Variants in APOL3 observed in about 807,000 individuals in gnomAD.
APOL3 encodes apolipoprotein L3.
In APOL3, 14 loss-of-function variants were observed where a neutral mutation model predicts 11.6. The ratio of observed to expected loss-of-function variants is 1.21; its 90% CI spans 0.80 to 1.89. The LOEUF (loss-of-function observed/expected upper bound fraction) is 1.89. Among genes scored for constraint, APOL3 ranks in the 40% most tolerant of loss-of-function variants. The pLI is 0.00. For synonymous variants in APOL3, 192 were observed against 190.6 expected, an observed-to-expected ratio of 1.01 and a Z score of -0.06; for missense variants, 483 against 492.1, an observed-to-expected ratio of 0.98 and a Z score of 0.17.
At chr22:36,156,934 A>G (rs930354866) in intron 1 of APOL3, 8 of 456,132 alleles carry the variant, frequency 1.8e-5, no homozygotes, top group Non-Finnish European at 3.5e-5. Context: ...GCCTCTGGAC[A>G]ACATGGCCCA....
At chr22:36,149,001 G>C (rs755453079) in intron 1 of APOL3, 45 bp downstream of exon 2, 6 of 1,364,066 alleles carry the variant, frequency 4.4e-6, no homozygotes, top group East Asian at 9.1e-5. Flanking sequence ...CTCCATTCTA[G>C]GTGCGAGTAG....
intron 2 of APOL3, among the ~76,000 whole-genome samples, chr22:36,142,383 G>A (rs2060030529): frequency 2.0e-5 from 3 of 152,142 alleles, no homozygotes; most frequent in Admixed American, 2.0e-4. Flanking sequence ...GTGTGGAGAG[G>A]GGAAATTTTG....
At chr22:36,141,295 C>G in exon 3 of APOL3, 1 of 1,614,166 alleles carries the variant, frequency 6.2e-7, no homozygotes, top group African/African-American at 1.3e-5. Context: ...AGCTCCTCAG[C>G]AGATGCAGAC....
chr22:36,160,897 G>T (rs1182336772), exon 1 of APOL3: 1 of 1,612,360 alleles, frequency 6.2e-7, no homozygotes, highest in Non-Finnish European at 8.5e-7. Context: ...CCCATCCTTG[G>T]TCCAGCAGCA....
At chr22:36,152,508 G>A (rs1196705412) in intron 1 of APOL3, among the ~76,000 whole-genome samples, 6 of 152,050 alleles carry the variant, frequency 3.9e-5, no homozygotes, top group Admixed American at 1.3e-4. Flanking sequence ...GAAGGAGGGG[G>A]AGGATTAATA....
chr22:36,162,057 A>T (rs1333352205), upstream of APOL3, among the ~76,000 whole-genome samples: 1 of 152,140 alleles, frequency 6.6e-6, no homozygotes, highest in South Asian at 2.1e-4. Flanking sequence ...TTCATGATAA[A>T]CAGTTTGCTG....
Position 36,160,921 on chromosome 22 carries a change from C to T in APOL3, c.-30G>A. The T allele has an allele frequency of 3.8e-6, 6 of 1,598,630 alleles. No homozygotes were observed. In the South Asian group the frequency reaches 6.7e-5, roughly 18 times the overall value. On this transcript the variant is annotated 5_prime_UTR_variant, in exon 1 of 3. Transcript: ENST00000349314. ...GGTCCAGCAGCACCCTTGGTCCCAC[C>T]CTCCTGCTGATCCAAGAGCAGCCCC...
intron 1 of APOL3, among the ~76,000 whole-genome samples, chr22:36,156,209 C>G (rs1475041124): frequency 2.1e-4 from 32 of 152,154 alleles, no homozygotes; most frequent in Admixed American, 2.1e-3. Context: ...ATCCTCCTGC[C>G]TCATCCTTCT....
upstream of APOL3, among the ~76,000 whole-genome samples, chr22:36,162,685 T>C (rs913863053): frequency 1.3e-5 from 2 of 152,192 alleles, no homozygotes. Context: ...AGCTTGCATT[T>C]TGGAGTTAGC....
rs1393187022 is a variant in APOL3 at position 36,149,787 on chromosome 22, A to T, written c.224-4188T>A. ...CATGCATACATGCTTATTGTAAATG[A>T]CTCCTCATTCCAAATCTGTGTCTTG... On this transcript the variant is annotated intron_variant, in intron 1 of 2. Transcript: ENST00000349314. The T allele has an allele frequency of 8.8e-6, 4 of 454,212 alleles. No individual in the cohort carries two copies. The Admixed American group carries it at 9.5e-5, about 11-fold the overall frequency. The allele number at this position is 454,212 out of a possible 1,614,324, so 28.1% of individuals were successfully genotyped here. A position where few individuals can be genotyped will look rare whatever the true frequency, so the allele number is the denominator to read the frequency against.
At chr22:36,149,549 T>C (rs138728269) in intron 1 of APOL3, among the ~76,000 whole-genome samples, 1 of 152,336 alleles carries the variant, frequency 6.6e-6, no homozygotes, top group East Asian at 1.9e-4. Flanking sequence ...GTGTCTGTGA[T>C]CTGCAGGGCT....
At chr22:36,162,556 C>T (rs919473052), upstream of APOL3, among the ~76,000 whole-genome samples, 1 of 152,232 alleles carries the variant, frequency 6.6e-6, no homozygotes, top group Non-Finnish European at 1.5e-5. Flanking sequence ...CTCAACTTCT[C>T]TCCACAAACC....
intron 2 of APOL3, among the ~76,000 whole-genome samples, chr22:36,142,990 T>C (rs539898321): frequency 3.3e-5 from 5 of 152,332 alleles, no homozygotes; most frequent in Admixed American, 6.5e-5. Context: ...GTTGAGCAGC[T>C]TGTTAGGCCA....
intron 1 of APOL3, among the ~76,000 whole-genome samples, chr22:36,147,203 CATTGAAT>C (rs2060251884): frequency 1.3e-5 from 2 of 152,166 alleles, no homozygotes; most frequent in Admixed American, 1.3e-4. Context: ...AACCCTACAC[CATTGAAT>C]AAACTACCAT....
chr22:36,154,041 A>G (rs1272379217), intron 1 of APOL3, among the ~76,000 whole-genome samples: 1 of 152,210 alleles, frequency 6.6e-6, no homozygotes, highest in East Asian at 1.9e-4. Flanking sequence ...GTGGAGACCA[A>G]AGTTTTATCC....
intron 1 of APOL3, among the ~76,000 whole-genome samples, chr22:36,152,553 T>G (rs1480843458): frequency 6.6e-6 from 1 of 152,168 alleles, no homozygotes; most frequent in East Asian, 1.9e-4. Flanking sequence ...CAAGAAATAC[T>G]GGCTACAGTT....
chr22:36,147,688 T>C (rs2060270817), intron 1 of APOL3, among the ~76,000 whole-genome samples: 1 of 152,210 alleles, frequency 6.6e-6, no homozygotes, highest in South Asian at 2.1e-4. Context: ...ATTTTGCTTT[T>C]ATTTTTTCCT....
At chr22:36,149,121 G>C in intron 1 of APOL3, 1 of 1,367,990 alleles carries the variant, frequency 7.3e-7, no homozygotes, top group Non-Finnish European at 9.8e-7. Flanking sequence ...CTGACTGGAA[G>C]GGTTCGTTTT....
At chr22:36,142,168 G>A in intron 2 of APOL3, 110 bp from the exon 4 acceptor site, 4 of 1,229,402 alleles carry the variant, frequency 3.3e-6, no homozygotes, top group South Asian at 3.9e-5. Flanking sequence ...TGAGTCAAAT[G>A]GAAATAAAGC....
Sources: allele counts gnomAD v4.1 joint callset (sites outside exome capture counted in the v4.1 genomes callset), GRCh38; gene constraint gnomAD v4.1.1; transcripts MANE v1.5; gene names NCBI Gene and HGNC (gene_info 2026-07-23, HGNC 2026-07-21).